Variants in CLCN6 observed in about 807,000 individuals in gnomAD.
CLCN6 encodes the protein H(+)/Cl(-) exchange transporter 6.
Under a neutral mutation model 109.8 loss-of-function variants are expected in CLCN6, and 70 were observed. The observed-to-expected ratio is 0.64, with a 90% confidence interval of 0.53 to 0.78. The LOEUF (loss-of-function observed/expected upper bound fraction) is 0.78, where lower values mean the gene tolerates loss of function less well. CLCN6 is among the 30% of genes least tolerant of loss of function. CLCN6 has a pLI of 0.00. For synonymous variants in CLCN6, 444 were observed against 447.8 expected (o/e 0.99, Z 0.11); for missense variants, 984 against 1,142.3 (o/e 0.86, Z 2.00).
intron 18 of CLCN6, among the ~76,000 whole-genome samples, chr1:11,836,394 C>T (rs563869705): frequency 2.6e-4 from 40 of 152,296 alleles, no homozygotes; most frequent in Admixed American, 1.9e-3. Flanking sequence ...TTTTTCAAGT[C>T]AGCAGCTTTC....
chr1:11,808,966 G>T (rs1444180154), intron 2 of CLCN6, among the ~76,000 whole-genome samples: 1 of 151,738 alleles, frequency 6.6e-6, no homozygotes. Flanking sequence ...GGTTCAAGCG[G>T]TTCTTCTGCC....
At position 11,837,034 on chromosome 1, in the gene CLCN6, CAAA is replaced by C; in HGVS notation, c.2017_2019del (p.Lys673del). 1.9e-6 allele frequency: 3 copies of C among 1,612,424 alleles called. No homozygotes were observed. The highest frequency in any genetic ancestry group is 2.5e-6 in the Non-Finnish European group (3 of 1,180,034). ...TCCTCACCCGGGCTGGCGAGCAGCG[CAAA>C]CGGAGCCAGTCCATGAAGTCCTACC... On this transcript the variant is annotated inframe_deletion, in exon 19 of 23. Transcript: ENST00000346436.
chr1:11,826,630 C>T (rs1009672571), intron 9 of CLCN6, among the ~76,000 whole-genome samples: 1 of 152,192 alleles, frequency 6.6e-6, no homozygotes, highest in African/African-American at 2.4e-5. Context: ...TCGTAAGGCT[C>T]TTTCAATCAG....
intron 4 of CLCN6, among the ~76,000 whole-genome samples, chr1:11,818,142 A>AT (rs1393793792): frequency 2.0e-5 from 3 of 152,052 alleles, no homozygotes; most frequent in Admixed American, 2.0e-4. Context: ...CAGGGTATTT[A>AT]TTTTGCTATA....
chr1:11,829,574 C>T (rs1433708508), intron 13 of CLCN6, among the ~76,000 whole-genome samples: 10 of 151,206 alleles, frequency 6.6e-5, no homozygotes, highest in African/African-American at 2.4e-4. Context: ...ACAACCCTGG[C>T]GTCACAGAGG....
chr1:11,820,410 CTA>C (rs758072297), intron 5 of CLCN6: 34 of 715,680 alleles, frequency 4.8e-5, no homozygotes, highest in South Asian at 3.4e-4. Flanking sequence ...CTTCGGGAGA[CTA>C]TATGTTGTCA....
chr1:11,836,211 C>T, intron 18 of CLCN6, 58 bp downstream of exon 18: 11 of 1,501,086 alleles, frequency 7.3e-6, no homozygotes, highest in Non-Finnish European at 9.9e-6. Context: ...CCGTCTCACA[C>T]GGCTTAGTGC....
At position 11,824,549 on chromosome 1, in the gene CLCN6, C is replaced by G. The variant is rs1341811594; in HGVS notation, c.644C>G (p.Pro215Arg). Reference protein sequence around the residue: ...HSGSVVGAGLPQFQSISLRKI... With the variant: ...HSGSVVGAGLRQFQSISLRKI... ...GGTTCGGTGGTGGGAGCTGGCCTCC[C>G]TCAGGTAAGATGGGCTGAGAGGGTG... The change falls in exon 8 of 23, where the codon CCT (proline) becomes CGT (arginine). Residue 215 changes from proline to arginine, a missense_variant. Pro to Arg is a moderately radical substitution (Grantham distance 103). Coordinates refer to ENST00000346436, the MANE Select transcript of CLCN6 (RefSeq NM_001286.5). 6.2e-7 allele frequency: 1 copy of G among 1,613,302 alleles called. No individual in the cohort carries two copies. Among genetic ancestry groups the G allele is most frequent in the Non-Finnish European group, 8.5e-7 (1 of 1,179,604 alleles).
chr1:11,833,829 C>T, intron 14 of CLCN6, 48 bp from the exon 15 acceptor site: 1 of 1,585,608 alleles, frequency 6.3e-7, no homozygotes, highest in Non-Finnish European at 8.6e-7. Context: ...TCTACTGGGC[C>T]TTGGCAGGCA....
chr1:11,812,664 T>TGTGTGTGTGTGTGTGTG (rs1644615747), intron 2 of CLCN6, among the ~76,000 whole-genome samples: 1 of 127,020 alleles, frequency 7.9e-6, no homozygotes, highest in African/African-American at 3.1e-5. Context: ...CAAAGTATGT[T>TGTGTGTGTGTGTGTGTG]TGTGTGTGTG....
In CLCN6 at chr1:11,840,617, A is replaced by C. The variant is rs1255847515; in HGVS notation, c.*394A>C. On this transcript the variant is annotated 3_prime_UTR_variant, in exon 23 of 23. Coordinates refer to ENST00000346436, the MANE Select transcript of CLCN6 (RefSeq NM_001286.5). ...ACCCGGCTGTTGCCTTAAATGTGTG[A>C]GAGGGACTTGGCCAAGGCAAAAGCT... The C allele has an allele frequency of 3.3e-6, 1 of 298,730 alleles. No homozygotes were observed. Among genetic ancestry groups the C allele is most frequent in the African/African-American group, 2.1e-5 (1 of 46,892 alleles). 18.5% of individuals were successfully genotyped at this position (298,730 alleles called of 1,614,324 possible). A position where few individuals can be genotyped will look rare whatever the true frequency, so the allele number is the denominator to read the frequency against.
chr1:11,819,928 C>T (rs541463323), intron 5 of CLCN6, among the ~76,000 whole-genome samples: 52 of 152,212 alleles, frequency 3.4e-4, no homozygotes, highest in African/African-American at 1.2e-3. Flanking sequence ...AGAAGGTGGA[C>T]TTGACCCTGT....
intron 2 of CLCN6, among the ~76,000 whole-genome samples, chr1:11,810,877 G>A (rs1644589864): frequency 6.6e-6 from 1 of 152,134 alleles, no homozygotes; most frequent in Non-Finnish European, 1.5e-5. Flanking sequence ...ACCATCCTGG[G>A]CAATAAAGTG....
chr1:11,831,303 C>T (rs369753008), intron 13 of CLCN6, among the ~76,000 whole-genome samples: 4 of 151,920 alleles, frequency 2.6e-5, no homozygotes, highest in African/African-American at 7.3e-5. Flanking sequence ...ACTTCAGGCA[C>T]GCACCACCAT....
In CLCN6 at chr1:11,842,947, A is replaced by G. The variant is rs753830145; in HGVS notation, c.*2724A>G. ...CACCACAGCTCTGCGGACCTTGGCCATTGCCGCAGTCGCAGCTTCCTTTTT... is the reference window on the plus strand; with the variant it reads ...CACCACAGCTCTGCGGACCTTGGCCGTTGCCGCAGTCGCAGCTTCCTTTTT... On this transcript the variant is annotated 3_prime_UTR_variant, in exon 23 of 23. Transcript: ENST00000346436. The G allele has an allele frequency of 6.6e-6, 1 of 152,278 alleles. No homozygotes were observed. Among genetic ancestry groups the G allele is most frequent in the Non-Finnish European group, 1.5e-5 (1 of 68,064 alleles). The allele number at this position is 152,278 out of a possible 1,614,324, so 9.4% of individuals were successfully genotyped here. A position where few individuals can be genotyped will look rare whatever the true frequency, so the allele number is the denominator to read the frequency against.
chr1:11,828,888 G>A (rs774565707), intron 12 of CLCN6, among the ~76,000 whole-genome samples: 31 of 152,210 alleles, frequency 2.0e-4, no homozygotes, highest in African/African-American at 6.5e-4. Flanking sequence ...AAGGGTCACC[G>A]TGGCCCTGCC....
intron 17 of CLCN6, among the ~76,000 whole-genome samples, chr1:11,835,369 C>T (rs920594769): frequency 3.9e-5 from 6 of 152,154 alleles, no homozygotes; most frequent in African/African-American, 9.7e-5. Flanking sequence ...GCCTCCCAGG[C>T]TCAAGCGATC....
At chr1:11,835,627 G>A (rs965721989) in intron 17 of CLCN6, among the ~76,000 whole-genome samples, 4 of 152,194 alleles carry the variant, frequency 2.6e-5, no homozygotes, top group Non-Finnish European at 4.4e-5. Context: ...CAGTTCAGGG[G>A]TAGTATGTGG....
In CLCN6 at chr1:11,834,377, C is replaced by T; in HGVS notation, c.1668C>T (p.Pro556=). 6.2e-7 allele frequency: 1 copy of T among 1,614,020 alleles called. No individual in the cohort carries two copies. Among genetic ancestry groups the T allele is most frequent in the Non-Finnish European group, 8.5e-7 (1 of 1,179,958 alleles). The change falls in exon 16 of 23, where the codon CCC becomes CCT. Residue 556 remains proline (P), a synonymous_variant. Transcript: ENST00000346436. This position sits in a 1 kb window ranked among gnomAD's most constrained non-coding sequence, Gnocchi z 4.5. ...CCAATGAGATCACCTACGGGCTCCC[C>T]ATCATGGTCACACTGATGGTGAGCA... ...ESTNEITYGL[P]IMVTLMVAKW... is the part of the protein sequence containing the mutation.
Sources: allele counts gnomAD v4.1 joint callset (sites outside exome capture counted in the v4.1 genomes callset), GRCh38; gene constraint gnomAD v4.1.1; non-coding constraint Gnocchi (gnomAD v3.1); transcripts MANE v1.5; gene names NCBI Gene and HGNC (gene_info 2026-07-23, HGNC 2026-07-21).